ENOX2: variants seen among roughly 807,000 people sequenced by gnomAD.
ENOX2 encodes ecto-NOX disulfide-thiol exchanger 2.
ENOX2 carries 36 observed loss-of-function variants against 45.0 expected under a neutral mutation model. The ratio of observed to expected loss-of-function variants is 0.80; its 90% CI spans 0.61 to 1.06. The LOEUF (loss-of-function observed/expected upper bound fraction) is 1.06. Ranked by LOEUF, ENOX2 falls within the 50% of genes least tolerant of loss-of-function variation. The pLI, the probability that ENOX2 is intolerant of heterozygous loss-of-function variation, is 0.00. For missense variants in ENOX2, 423 were observed against 462.5 expected, an observed-to-expected ratio of 0.91 and a Z score of 0.78; for synonymous variants, 174 against 152.3, an observed-to-expected ratio of 1.14 and a Z score of -1.05.
intron 3 of ENOX2, among the ~76,000 whole-genome samples, chrX:130,715,617 T>G (rs1315010094): frequency 9.0e-6 from 1 of 110,687 alleles, no homozygotes; most frequent in Non-Finnish European, 1.9e-5. Context: ...ACCACTAGCA[T>G]GCATTTGGCC....
rs1185236119 is a variant in ENOX2 at position 130,782,677 on chromosome X, AATG to A, written c.-39+867_-39+869del. Among the ~76,000 whole-genome samples the A allele has an allele frequency of 6.3e-5, 7 of 111,914 alleles. No individual in the cohort carries two copies. In the Admixed American group the frequency reaches 6.6e-4, roughly 11 times the overall value. On this transcript the variant is annotated intron_variant, in intron 3 of 14. Transcript: ENST00000394363. The stretch of plus-strand genomic sequence containing the variant: ...ATAATAAAAAACAAAACAAAGAAAA[AATG>A]ATGAACATGTCTGTTATGCCCATCC...
At chrX:130,842,164 T>C (rs920014340) in intron 2 of ENOX2, among the ~76,000 whole-genome samples, 25 of 112,695 alleles carry the variant, frequency 2.2e-4, no homozygotes, top group African/African-American at 7.7e-4. Flanking sequence ...TTAATACACC[T>C]ATAGTGCTAA....
intron 4 of ENOX2, among the ~76,000 whole-genome samples, chrX:130,689,973 G>A (rs1247455722): frequency 3.6e-5 from 4 of 110,947 alleles, no homozygotes; most frequent in Non-Finnish European, 7.6e-5. Context: ...TCCTTGCCAG[G>A]CCACTCTCCT....
intron 10 of ENOX2, among the ~76,000 whole-genome samples, chrX:130,655,013 T>C (rs1163667554): frequency 8.9e-6 from 1 of 112,466 alleles, no homozygotes; most frequent in Non-Finnish European, 1.9e-5. Flanking sequence ...ATGGTAACAC[T>C]GACTAAATAC....
At chrX:130,737,378 T>G in intron 3 of ENOX2, among the ~76,000 whole-genome samples, 1 of 112,381 alleles carries the variant, frequency 8.9e-6, no homozygotes, top group Non-Finnish European at 1.9e-5. Flanking sequence ...GCAGTTTACT[T>G]GACATATATA....
chrX:130,714,566 G>A (rs2038278636), intron 3 of ENOX2, among the ~76,000 whole-genome samples: 1 of 111,430 alleles, frequency 9.0e-6, no homozygotes, highest in Admixed American at 9.5e-5. Context: ...CAGGGTGGTG[G>A]TGAAAACAAC....
intron 5 of ENOX2, among the ~76,000 whole-genome samples, chrX:130,683,774 T>C (rs1168481645): frequency 9.2e-6 from 1 of 108,539 alleles, no homozygotes; most frequent in Non-Finnish European, 1.9e-5. Flanking sequence ...AAAAAAAAAG[T>C]GTGTTCCAGG....
chrX:130,711,967 G>A (rs1428441576), intron 3 of ENOX2, among the ~76,000 whole-genome samples: 1 of 111,310 alleles, frequency 9.0e-6, no homozygotes, highest in Non-Finnish European at 1.9e-5. Flanking sequence ...GGAAGTGATA[G>A]CACATACCCT....
intron 2 of ENOX2, among the ~76,000 whole-genome samples, chrX:130,821,535 C>T (rs867970670): frequency 1.1e-4 from 5 of 43,558 alleles, no homozygotes; most frequent in African/African-American, 4.0e-4. Context: ...ACTCTGGGGA[C>T]GGTGGTGGGG....
intron 2 of ENOX2, among the ~76,000 whole-genome samples, chrX:130,799,303 A>T (rs2077180344): frequency 8.9e-6 from 1 of 111,787 alleles, no homozygotes; most frequent in African/African-American, 3.3e-5. Context: ...GACTTATATC[A>T]GTGGTTTGCC....
intron 3 of ENOX2, among the ~76,000 whole-genome samples, chrX:130,717,926 C>T (rs1306147492): frequency 1.8e-5 from 2 of 112,032 alleles, no homozygotes; most frequent in Non-Finnish European, 3.8e-5. Context: ...AATTCTACTA[C>T]ATATGTTGAT....
intron 2 of ENOX2, among the ~76,000 whole-genome samples, chrX:130,790,102 C>T (rs1372323327): frequency 8.9e-6 from 1 of 112,758 alleles, no homozygotes; most frequent in Non-Finnish European, 1.9e-5. Flanking sequence ...GTTCAATATT[C>T]TAACTGGTTT....
chrX:130,808,970 T>A (rs1193649197), intron 2 of ENOX2, among the ~76,000 whole-genome samples: 2 of 112,218 alleles, frequency 1.8e-5, no homozygotes, highest in East Asian at 5.6e-4. Flanking sequence ...GTATGTGATA[T>A]AAAGACCAAT....
In ENOX2 at chrX:130,748,711, G is replaced by A. The variant is rs142383197; in HGVS notation, c.-39+34836C>T. 2.2e-3 allele frequency among the ~76,000 whole-genome samples: 251 copies of A among 111,879 alleles called. No homozygotes were observed. The Middle Eastern group carries it at 0.037, about 16-fold the overall frequency. The stretch of plus-strand genomic sequence containing the variant: ...AAAAAGCTATTTTTTCTAGGTGATT[G>A]TGGATATAGTTCCAGTAGACACATT... On this transcript the variant is annotated intron_variant, in intron 3 of 14. Coordinates refer to ENST00000394363, the MANE Select transcript of ENOX2 (RefSeq NM_006375.4).
intron 3 of ENOX2, among the ~76,000 whole-genome samples, chrX:130,711,533 C>T (rs1310919052): frequency 3.6e-5 from 4 of 110,932 alleles, no homozygotes; most frequent in Non-Finnish European, 7.5e-5. Flanking sequence ...CATTCTCTTC[C>T]TTGAGAAAGG....
intron 3 of ENOX2, among the ~76,000 whole-genome samples, chrX:130,731,093 C>T (rs2148293257): frequency 9.0e-6 from 1 of 111,137 alleles, no homozygotes; most frequent in East Asian, 2.9e-4. Flanking sequence ...TTTTGGTTTA[C>T]AGGCCTAAGG....
intron 8 of ENOX2, among the ~76,000 whole-genome samples, chrX:130,667,026 C>T (rs1398991292): frequency 1.8e-5 from 2 of 111,736 alleles, no homozygotes; most frequent in South Asian, 7.5e-4. Flanking sequence ...GTGTCTATGA[C>T]ATCCAGCAAA....
chrX:130,672,760 G>T (rs1280552617), intron 6 of ENOX2, among the ~76,000 whole-genome samples: 2 of 111,941 alleles, frequency 1.8e-5, no homozygotes, highest in Non-Finnish European at 3.8e-5. Context: ...TTGTGATCCT[G>T]CCTGTCTAAG....
chrX:130,738,235 G>A (rs190329655), intron 3 of ENOX2, among the ~76,000 whole-genome samples: 7 of 112,305 alleles, frequency 6.2e-5, no homozygotes, highest in Non-Finnish European at 9.4e-5. Flanking sequence ...TTAAGGTATG[G>A]AAACTTACTG....
Sources: allele counts gnomAD v4.1 joint callset (sites outside exome capture counted in the v4.1 genomes callset), GRCh38; gene constraint gnomAD v4.1.1; transcripts MANE v1.5; gene names NCBI Gene and HGNC (gene_info 2026-07-23, HGNC 2026-07-21).